The following ZNF609 variants were observed in gnomAD, a reference collection of about 807,000 sequenced individuals.
ZNF609 encodes the protein zinc finger protein 609.
ZNF609 carries 11 observed loss-of-function variants against 109.5 expected under a neutral mutation model. The observed-to-expected ratio is 0.10, with a 90% CI of 0.06 to 0.17. The LOEUF (loss-of-function observed/expected upper bound fraction) is 0.17. Among genes scored for constraint, ZNF609 ranks in the 10% least tolerant of loss-of-function variants. The pLI, the probability that ZNF609 is intolerant of heterozygous loss-of-function variation, is 1.00. For synonymous variants in ZNF609, 646 were observed against 662.0 expected (o/e 0.98, Z 0.37); for missense variants, 1,559 against 1,772.4 (o/e 0.88, Z 2.16).
chr15:64,612,747 G>A (rs1349488995), intron 2 of ZNF609, among the ~76,000 whole-genome samples: 1 of 151,916 alleles, frequency 6.6e-6, no homozygotes, highest in Non-Finnish European at 1.5e-5. Flanking sequence ...GGGCGTGGTG[G>A]CTCATGCCTG....
At chr15:64,498,004 A>C (rs1293374441) in intron 1 of ZNF609, among the ~76,000 whole-genome samples, 1 of 152,042 alleles carries the variant, frequency 6.6e-6, no homozygotes, top group Non-Finnish European at 1.5e-5. Context: ...ACTGGATGGT[A>C]TATGTTGACT....
chr15:64,585,403 C>T (rs751656849), intron 2 of ZNF609, among the ~76,000 whole-genome samples: 1 of 152,126 alleles, frequency 6.6e-6, no homozygotes, highest in African/African-American at 2.4e-5. Context: ...CTCTAATTCA[C>T]AATGGTCTTA....
intron 1 of ZNF609, among the ~76,000 whole-genome samples, chr15:64,461,254 A>C (rs1467024099): frequency 1.3e-5 from 2 of 150,578 alleles, no homozygotes; most frequent in Non-Finnish European, 3.0e-5. Flanking sequence ...TGTTCAGAGC[A>C]TAGGGTCGGA....
chr15:64,474,879 A>T (rs1468654210), intron 1 of ZNF609, among the ~76,000 whole-genome samples: 1 of 152,158 alleles, frequency 6.6e-6, no homozygotes, highest in Non-Finnish European at 1.5e-5. Flanking sequence ...TACATAGGTC[A>T]ATATTCAAGG....
chr15:64,475,097 C>CTTTTTTTTTTTT (rs56289189), intron 1 of ZNF609, among the ~76,000 whole-genome samples: 3 of 93,064 alleles, frequency 3.2e-5, no homozygotes, highest in African/African-American at 4.3e-5. Flanking sequence ...CCAGTTTATC[C>CTTTTTTTTTTTT]TTTTTTTTTT....
intron 1 of ZNF609, among the ~76,000 whole-genome samples, chr15:64,477,978 A>G (rs1288845839): frequency 6.6e-6 from 1 of 152,178 alleles, no homozygotes; most frequent in Non-Finnish European, 1.5e-5. Context: ...GCTTGTGGAC[A>G]TCAAGCTCTC....
intron 2 of ZNF609, among the ~76,000 whole-genome samples, chr15:64,560,558 CA>C (rs571652182): frequency 6.6e-6 from 1 of 152,134 alleles, no homozygotes; most frequent in Non-Finnish European, 1.5e-5. Flanking sequence ...CTCTTCCCAA[CA>C]AGATTGTCTC....
chr15:64,644,025 G>A (rs1293502211), intron 3 of ZNF609, among the ~76,000 whole-genome samples: 3 of 151,988 alleles, frequency 2.0e-5, no homozygotes, highest in Non-Finnish European at 4.4e-5. Context: ...GATCACTTGA[G>A]CCCAGGAGGT....
intron 2 of ZNF609, among the ~76,000 whole-genome samples, chr15:64,515,861 C>G (rs1039098252): frequency 6.6e-6 from 1 of 151,646 alleles, no homozygotes; most frequent in African/African-American, 2.4e-5. Context: ...TTGCTCGAAC[C>G]TGGGAGGCGG....
rs1032155075 is a variant in ZNF609 at position 64,674,113 on chromosome 15, G to A, written c.1259G>A (p.Arg420His). ...RRGSQNSSEHRPPASSTSEDV... is the reference protein window; with the variant it reads ...RRGSQNSSEHHPPASSTSEDV... The stretch of plus-strand genomic sequence containing the variant: ...GGCAGCCAGAATTCTTCAGAGCACC[G>A]CCCACCTGCCAGCAGCACTTCTGAG... Residue 420 changes from arginine (R) to histidine (H), a missense_variant, in exon 5 of 10, where the codon CGC (arginine) becomes CAC (histidine). By Grantham distance (29) the Arg-to-His change is conservative. This residue lies in a region of ZNF609 where 1,204 missense variants were observed against 1,314.1 expected (regional missense o/e 0.92). Transcript: ENST00000326648. 14 of 1,614,032 alleles carry A rather than the reference G, an allele frequency of 8.7e-6. No homozygotes were observed. Among genetic ancestry groups the A allele is most frequent in the African/African-American group, 4.0e-5 (3 of 74,902 alleles).
intron 2 of ZNF609, among the ~76,000 whole-genome samples, chr15:64,528,103 CCTT>C (rs1298209260): frequency 6.6e-6 from 1 of 151,470 alleles, no homozygotes; most frequent in Non-Finnish European, 1.5e-5. Flanking sequence ...AATCCTGGCT[CCTT>C]TTTTTTTTTG....
At chr15:64,681,249 A>G in intron 8 of ZNF609, 60 bp from the exon 9 acceptor site, 1 of 1,517,596 alleles carries the variant, frequency 6.6e-7, no homozygotes, top group Non-Finnish European at 9.1e-7. Flanking sequence ...AAACTCAGGG[A>G]AAAAGATTAA....
At chr15:64,571,699 AC>A (rs1894862043) in intron 2 of ZNF609, among the ~76,000 whole-genome samples, 1 of 152,122 alleles carries the variant, frequency 6.6e-6, no homozygotes, top group Middle Eastern at 3.4e-3. Context: ...TCACTCTGTC[AC>A]CCAGGATCGC....
chr15:64,501,803 A>G (rs1893566213), intron 2 of ZNF609: 2 of 152,208 alleles, frequency 1.3e-5, no homozygotes, highest in Admixed American at 1.3e-4. Context: ...TTCTAAGCCC[A>G]GTGATAGTCT....
At chr15:64,598,483 A>G (rs1399524072) in intron 2 of ZNF609, among the ~76,000 whole-genome samples, 1 of 151,894 alleles carries the variant, frequency 6.6e-6, no homozygotes, top group Non-Finnish European at 1.5e-5. Context: ...ATTTTTATTT[A>G]TCTTTAATTT....
At chr15:64,487,050 T>A (rs1566995857) in intron 1 of ZNF609, among the ~76,000 whole-genome samples, 1 of 152,232 alleles carries the variant, frequency 6.6e-6, no homozygotes, top group East Asian at 1.9e-4. Flanking sequence ...TTGAGCCGTT[T>A]GATATACTAC....
chr15:64,603,557 C>T (rs1421416211), intron 2 of ZNF609, among the ~76,000 whole-genome samples: 1 of 151,970 alleles, frequency 6.6e-6, no homozygotes, highest in African/African-American at 2.4e-5. Context: ...GCGTGAGCCA[C>T]TGCACCTGGC....
At chr15:64,657,254 T>C (rs1163879960) in intron 3 of ZNF609, among the ~76,000 whole-genome samples, 2 of 146,756 alleles carry the variant, frequency 1.4e-5, no homozygotes, top group African/African-American at 5.2e-5. Flanking sequence ...AGCAAGACTG[T>C]GTCTCAAAAA....
In ZNF609 at chr15:64,580,955, C is replaced by CTTTT. The variant is rs57690590; in HGVS notation, c.748-41847_748-41844dup. ...TCTGTTTTCTAGTCTTCAATGTCTT[C>CTTTT]TTTTTTTTTTTTTTTTTTTTTTTTT... On this transcript the variant is annotated intron_variant, in intron 2 of 9. Coordinates refer to ENST00000326648, the MANE Select transcript of ZNF609 (RefSeq NM_015042.2). Among the ~76,000 whole-genome samples, 162 of 58,744 alleles carry CTTTT rather than the reference C, an allele frequency of 2.8e-3. 10 individuals are homozygous for CTTTT. The highest frequency in any genetic ancestry group is 0.012 in the African/African-American group (160 of 12,808). 38.5% of individuals were successfully genotyped at this position (58,744 alleles called of 152,430 possible).
Sources: allele counts gnomAD v4.1 joint callset (sites outside exome capture counted in the v4.1 genomes callset), GRCh38; gene constraint gnomAD v4.1.1; regional missense constraint gnomAD v4.1.1; transcripts MANE v1.5; gene names NCBI Gene and HGNC (gene_info 2026-07-23, HGNC 2026-07-21).